The following TMEM132D variants were observed in gnomAD, a reference collection of about 807,000 sequenced individuals.
TMEM132D encodes the protein mature OL transmembrane protein.
TMEM132D carries 21 observed loss-of-function variants against 62.3 expected under a neutral mutation model. The ratio of observed to expected loss-of-function variants is 0.34; its 90% CI spans 0.24 to 0.49. TMEM132D has a LOEUF of 0.49. TMEM132D is among the 20% of genes least tolerant of loss of function. The pLI is 0.99. For missense variants in TMEM132D, 1,346 were observed against 1,402.8 expected (o/e 0.96, Z 0.65); for synonymous variants, 621 against 575.6 (o/e 1.08, Z -1.13).
chr12:129,121,443 A>G (rs1876059217), intron 5 of TMEM132D, among the ~76,000 whole-genome samples: 1 of 152,184 alleles, frequency 6.6e-6, no homozygotes, highest in Non-Finnish European at 1.5e-5. Flanking sequence ...TAAATTATCC[A>G]GGTGGAACCC....
chr12:129,859,868 C>T (rs922114161), intron 1 of TMEM132D, among the ~76,000 whole-genome samples: 3 of 152,196 alleles, frequency 2.0e-5, no homozygotes, highest in African/African-American at 7.2e-5. Context: ...TCAGACCGAG[C>T]CACTACTGGC....
chr12:129,710,833 G>A (rs61275798), intron 1 of TMEM132D, among the ~76,000 whole-genome samples: 2,582 of 152,114 alleles, frequency 0.017, 114 homozygotes, highest in East Asian at 0.14. Flanking sequence ...CTCAATGTCA[G>A]TGTGTTCAGC....
chr12:129,235,284 A>C (rs1428528337), intron 4 of TMEM132D, among the ~76,000 whole-genome samples: 3 of 152,218 alleles, frequency 2.0e-5, no homozygotes, highest in Admixed American at 6.5e-5. Context: ...ATAAATAAAA[A>C]TAAATGTACG....
rs1872706452 is a variant in TMEM132D, at chr12:129,827,997, G to GC, written c.79+75263dup. ...ATTTATTCTAAGTAAAATGAAGTGT[G>GC]CCCTAAAGACAGACTCTGTAAATGA... On this transcript the variant is annotated intron_variant, in intron 1 of 8. Transcript: ENST00000422113. This position sits in a 1 kb window ranked among gnomAD's most constrained non-coding sequence, Gnocchi z 9.7. Among the ~76,000 whole-genome samples the GC allele has an allele frequency of 6.6e-6, 1 of 152,144 alleles. No homozygotes were observed. Among genetic ancestry groups the GC allele is most frequent in the Non-Finnish European group, 1.5e-5 (1 of 68,038 alleles).
chr12:129,327,341 C>T (rs748439129), intron 4 of TMEM132D, among the ~76,000 whole-genome samples: 8 of 152,134 alleles, frequency 5.3e-5, no homozygotes, highest in South Asian at 2.1e-4. Flanking sequence ...TCTCAGTAAA[C>T]GATGTGAATT....
At chr12:129,468,926 T>G (rs1287711436) in intron 3 of TMEM132D, among the ~76,000 whole-genome samples, 7 of 152,370 alleles carry the variant, frequency 4.6e-5, no homozygotes, top group African/African-American at 1.7e-4. Context: ...TGACACTGCT[T>G]GTTTTCATAT....
At chr12:129,721,947 T>TCTATAACCACAA (rs1239422935) in intron 1 of TMEM132D, among the ~76,000 whole-genome samples, 20 of 152,220 alleles carry the variant, frequency 1.3e-4, no homozygotes, top group African/African-American at 4.8e-4. Flanking sequence ...TCTTAATTTG[T>TCTATAACCACAA]CTATAACCAC....
chr12:129,548,477 C>T (rs561886533), intron 2 of TMEM132D, among the ~76,000 whole-genome samples: 16 of 152,288 alleles, frequency 1.1e-4, no homozygotes, highest in African/African-American at 3.4e-4. Context: ...CAAGAGATCC[C>T]TCTCTCAGTC....
At chr12:129,889,130 A>T (rs1212432105) in intron 1 of TMEM132D, among the ~76,000 whole-genome samples, 1 of 152,230 alleles carries the variant, frequency 6.6e-6, no homozygotes, top group Non-Finnish European at 1.5e-5. Flanking sequence ...AAGGACAGCT[A>T]AGAGATTCTA....
intron 1 of TMEM132D, among the ~76,000 whole-genome samples, chr12:129,859,230 C>A (rs542768995): frequency 6.6e-6 from 1 of 152,216 alleles, no homozygotes; most frequent in African/African-American, 2.4e-5. Flanking sequence ...AGGATAGAGA[C>A]TGTGGTCGAG....
At chr12:129,452,342 GTTGGTCAGTAAAACCTGGA>G (rs1161047736) in intron 3 of TMEM132D, among the ~76,000 whole-genome samples, 1 of 152,228 alleles carries the variant, frequency 6.6e-6, no homozygotes. Context: ...TTACTTTCTA[GTTGGTCAGTAAAACCTGGA>G]AGCCATCTCT....
intron 4 of TMEM132D, among the ~76,000 whole-genome samples, chr12:129,231,604 G>A (rs541837432): frequency 7.9e-5 from 12 of 151,998 alleles, no homozygotes; most frequent in African/African-American, 1.2e-4. Flanking sequence ...TCATTAAGCC[G>A]GGCTTTGGCA....
At chr12:129,077,336 C>T (rs1299898039) in intron 8 of TMEM132D, among the ~76,000 whole-genome samples, 15 of 152,056 alleles carry the variant, frequency 9.9e-5, no homozygotes, top group African/African-American at 3.6e-4. Context: ...GGGATTCCAG[C>T]TGCCCCACAT....
At chr12:129,306,942 A>G (rs1195312040) in intron 4 of TMEM132D, among the ~76,000 whole-genome samples, 1 of 152,188 alleles carries the variant, frequency 6.6e-6, no homozygotes. Flanking sequence ...GGAATCCGCT[A>G]GTGAGCGACG....
intron 4 of TMEM132D, among the ~76,000 whole-genome samples, chr12:129,253,992 G>A (rs1039516285): frequency 1.3e-5 from 2 of 152,312 alleles, no homozygotes; most frequent in East Asian, 1.9e-4. Flanking sequence ...ATTCAGCAGT[G>A]ACCAGGCATA....
chr12:129,489,473 G>C (rs1015862517), intron 3 of TMEM132D, among the ~76,000 whole-genome samples: 4 of 152,186 alleles, frequency 2.6e-5, no homozygotes, highest in African/African-American at 9.7e-5. Flanking sequence ...TTGAGATACT[G>C]TTATATGCCT....
chr12:129,562,505 G>A lies in TMEM132D; in HGVS notation c.969-31300C>T, dbSNP rs1010220509. The stretch of plus-strand genomic sequence containing the variant: ...GCCCTGAGTCACTGCATGGATTCTG[G>A]AACCTCATAGAAGGGTATAAATATC... On this transcript the variant is annotated intron_variant, in intron 2 of 8. Coordinates refer to ENST00000422113, the MANE Select transcript of TMEM132D (RefSeq NM_133448.3). Among the ~76,000 whole-genome samples, 38 of 152,136 alleles carry A rather than the reference G, an allele frequency of 2.5e-4. 1 individual carries two copies. The highest frequency in any genetic ancestry group is 5.3e-4 in the African/African-American group (22 of 41,420).
At chr12:129,433,476 T>A (rs567929301) in intron 3 of TMEM132D, among the ~76,000 whole-genome samples, 1 of 152,304 alleles carries the variant, frequency 6.6e-6, no homozygotes, top group African/African-American at 2.4e-5. Context: ...TTCACCTGGT[T>A]CAAGCATTTC....
chr12:129,525,443 T>A (rs2137084835), intron 3 of TMEM132D, among the ~76,000 whole-genome samples: 1 of 152,120 alleles, frequency 6.6e-6, no homozygotes, highest in Non-Finnish European at 1.5e-5. Context: ...ATGTGATTCA[T>A]CTTGTACTTT....
Sources: allele counts gnomAD v4.1 joint callset (sites outside exome capture counted in the v4.1 genomes callset), GRCh38; gene constraint gnomAD v4.1.1; non-coding constraint Gnocchi (gnomAD v3.1); transcripts MANE v1.5; gene names NCBI Gene and HGNC (gene_info 2026-07-23, HGNC 2026-07-21).